The following NAALADL2 variants were observed in gnomAD, a reference collection of about 807,000 sequenced individuals.
The protein encoded by NAALADL2 is inactive N-acetylated-alpha-linked acidic dipeptidase-like protein 2.
Under a neutral mutation model 87.2 loss-of-function variants are expected in NAALADL2, and 76 were observed. The observed-to-expected ratio is 0.87, with a 90% CI of 0.72 to 1.05. NAALADL2 has a LOEUF of 1.05. Among genes scored for constraint, NAALADL2 ranks in the 50% least tolerant of loss-of-function variants. The pLI is 0.00. For missense variants in NAALADL2, 1,089 were observed against 945.8 expected, an observed-to-expected ratio of 1.15 and a Z score of -1.99; for synonymous variants, 354 against 331.0, an observed-to-expected ratio of 1.07 and a Z score of -0.75.
intron 1 of NAALADL2, among the ~76,000 whole-genome samples, chr3:174,886,338 T>C (rs966163278): frequency 6.6e-6 from 1 of 152,108 alleles, no homozygotes; most frequent in African/African-American, 2.4e-5. Context: ...TCTGCCTGCT[T>C]ATGTTCTAGC....
chr3:174,677,264 T>C (rs1727121792), intron 2 of NAALADL2, among the ~76,000 whole-genome samples: 1 of 152,062 alleles, frequency 6.6e-6, no homozygotes, highest in South Asian at 2.1e-4. Flanking sequence ...TGCACACTTT[T>C]GGACTTTAAC....
rs145045291 is a variant in NAALADL2 at position 174,491,451 on chromosome 3, T to A, written c.-184+50419T>A. On this transcript the variant is annotated intron_variant, in intron 1 of 3. Transcript: ENST00000434257. ...TCGTGTTTAATACTCTTTGGAAGTA[T>A]TTTATATTGATAGTACTCTGTGAAT... 4.6e-3 allele frequency among the ~76,000 whole-genome samples: 699 copies of A among 152,318 alleles called. 6 individuals are homozygous for A. The highest frequency in any genetic ancestry group is 0.016 in the African/African-American group (674 of 41,564).
At chr3:175,510,961 TG>T (rs1276452422) in intron 9 of NAALADL2, among the ~76,000 whole-genome samples, 2 of 152,198 alleles carry the variant, frequency 1.3e-5, no homozygotes, top group African/African-American at 4.8e-5. Flanking sequence ...TTTGTTACTA[TG>T]GTGATGATGT....
intron 1 of NAALADL2, among the ~76,000 whole-genome samples, chr3:174,898,112 CAAAAAAAAAAAAAAAAAAAAA>C (rs913382744): frequency 6.9e-5 from 1 of 14,498 alleles, no homozygotes; most frequent in Non-Finnish European, 1.2e-4. Context: ...GACTCCGTCT[CAAAAAAAAAAAAAAAAAAAAA>C]AAAAAAAAAA....
At chr3:175,730,461 C>T (rs1480540274) in intron 11 of NAALADL2, among the ~76,000 whole-genome samples, 31 of 137,730 alleles carry the variant, frequency 2.3e-4, no homozygotes, top group African/African-American at 7.6e-4. Context: ...TACACACGCA[C>T]ACACACACGT....
intron 2 of NAALADL2, among the ~76,000 whole-genome samples, chr3:175,147,323 A>G (rs1168812636): frequency 6.6e-6 from 1 of 152,092 alleles, no homozygotes; most frequent in African/African-American, 2.4e-5. Flanking sequence ...TCTCACTTAT[A>G]AGTGAGAACA....
chr3:174,820,085 G>A (rs1264712752), intron 3 of NAALADL2, among the ~76,000 whole-genome samples: 1 of 151,980 alleles, frequency 6.6e-6, no homozygotes, highest in Non-Finnish European at 1.5e-5. Flanking sequence ...TAATTTTCAT[G>A]TATTTTACAG....
At chr3:175,359,846 C>T (rs73184789) in intron 5 of NAALADL2, among the ~76,000 whole-genome samples, 13,744 of 152,016 alleles carry the variant, frequency 0.09, 793 homozygotes, top group Non-Finnish European at 0.13. Context: ...AAACCTAGGA[C>T]CAGAAATGAA....
chr3:174,702,783 A>G (rs1729678838), intron 2 of NAALADL2, among the ~76,000 whole-genome samples: 1 of 152,216 alleles, frequency 6.6e-6, no homozygotes, highest in Non-Finnish European at 1.5e-5. Context: ...CCACTCTTGT[A>G]TATGTGGTCC....
At chr3:174,825,237 T>C (rs979866741) in intron 3 of NAALADL2, among the ~76,000 whole-genome samples, 2 of 152,334 alleles carry the variant, frequency 1.3e-5, no homozygotes, top group Admixed American at 6.5e-5. Flanking sequence ...GGCAGTATAA[T>C]TCAGTTTGCA....
At chr3:174,738,046 A>T (rs1225832113) in intron 3 of NAALADL2, among the ~76,000 whole-genome samples, 2 of 152,058 alleles carry the variant, frequency 1.3e-5, no homozygotes, top group East Asian at 3.9e-4. Flanking sequence ...TATAATTGTA[A>T]ATGTTATGAC....
intron 1 of NAALADL2, among the ~76,000 whole-genome samples, chr3:175,007,936 A>C (rs1201902969): frequency 6.6e-6 from 1 of 152,162 alleles, no homozygotes; most frequent in Non-Finnish European, 1.5e-5. Flanking sequence ...CGATCTGATA[A>C]CTGAGAGGGC....
intron 9 of NAALADL2, among the ~76,000 whole-genome samples, chr3:175,552,142 T>G (rs1165370445): frequency 6.9e-6 from 1 of 145,370 alleles, no homozygotes; most frequent in Non-Finnish European, 1.5e-5. Flanking sequence ...TGTACTATAA[T>G]GGGAATAACT....
At chr3:175,122,626 T>A (rs1726320987) in intron 2 of NAALADL2, among the ~76,000 whole-genome samples, 1 of 151,750 alleles carries the variant, frequency 6.6e-6, no homozygotes, top group Non-Finnish European at 1.5e-5. Flanking sequence ...GGTTTCCTGT[T>A]TAATGGGTCT....
At chr3:175,375,325 A>T (rs1176529714) in intron 5 of NAALADL2, among the ~76,000 whole-genome samples, 1 of 152,178 alleles carries the variant, frequency 6.6e-6, no homozygotes, top group Non-Finnish European at 1.5e-5. Context: ...AACATAGCCC[A>T]TTAGAATTTT....
At chr3:175,400,302 C>T (rs1266786351) in intron 5 of NAALADL2, among the ~76,000 whole-genome samples, 1 of 152,064 alleles carries the variant, frequency 6.6e-6, no homozygotes, top group Non-Finnish European at 1.5e-5. Flanking sequence ...GTAACAAGCA[C>T]AGGATCAAGG....
chr3:175,587,066 A>G (rs1363451984), intron 10 of NAALADL2, among the ~76,000 whole-genome samples: 2 of 152,196 alleles, frequency 1.3e-5, no homozygotes, highest in African/African-American at 2.4e-5. Flanking sequence ...TAGTGGGTCC[A>G]CGGATGTGCA....
intron 1 of NAALADL2, among the ~76,000 whole-genome samples, chr3:175,001,197 A>T (rs1387828373): frequency 1.3e-5 from 2 of 152,200 alleles, no homozygotes; most frequent in African/African-American, 2.4e-5. Flanking sequence ...CATAAGAATT[A>T]CTTGCAGATC....
Position 174,509,598 on chromosome 3 carries a change from T to A in NAALADL2, c.-183-40971T>A, listed in dbSNP as rs1360033386. 1.1e-4 allele frequency among the ~76,000 whole-genome samples: 13 copies of A among 118,116 alleles called. No homozygotes were observed. In the East Asian group the frequency reaches 2.1e-3, roughly 19 times the overall value. 77.5% of individuals were successfully genotyped at this position (118,116 alleles called of 152,430 possible). On this transcript the variant is annotated intron_variant, in intron 1 of 3. Coordinates refer to the NAALADL2 transcript ENST00000434257. ...TTTTTTTTTTTTTTTTTTTTTTTTT[T>A]TGTATTTTTAGTAGAGACGGGGTTT...
Sources: gnomAD v4.1 joint callset for allele counts (sites outside exome capture counted in the v4.1 genomes callset) on GRCh38, gnomAD v4.1.1 for gene constraint, MANE v1.5 for transcripts, NCBI Gene and HGNC (gene_info 2026-07-23, HGNC 2026-07-21) for gene names.